The following RAB3GAP2 variants were observed in gnomAD, a reference collection of about 807,000 sequenced individuals.
RAB3GAP2 encodes rab3 GTPase-activating protein non-catalytic subunit.
In RAB3GAP2, 87 loss-of-function variants were observed where a neutral mutation model predicts 185.3. The observed-to-expected ratio is 0.47, with a 90% CI of 0.39 to 0.56. RAB3GAP2 has a LOEUF of 0.56. Ranked by LOEUF, RAB3GAP2 falls within the 20% of genes least tolerant of loss-of-function variation. RAB3GAP2 has a pLI of 0.00. For missense variants in RAB3GAP2, 1,492 were observed against 1,638.2 expected, an observed-to-expected ratio of 0.91 and a Z score of 1.54; for synonymous variants, 554 against 576.1, an observed-to-expected ratio of 0.96 and a Z score of 0.55.
chr1:220,237,884 TAA>T (rs372704690), intron 1 of RAB3GAP2, among the ~76,000 whole-genome samples: 13,934 of 133,406 alleles, frequency 0.1, 1,010 homozygotes, highest in African/African-American at 0.22. Flanking sequence ...TATTAAAAAG[TAA>T]AAAAAAAAAA....
chr1:220,163,176 C>A (rs969172712), intron 27 of RAB3GAP2, among the ~76,000 whole-genome samples: 1 of 152,010 alleles, frequency 6.6e-6, no homozygotes, highest in Non-Finnish European at 1.5e-5. Context: ...ATTTCTGAAA[C>A]AGTTGTCAAT....
chr1:220,240,397 T>C (rs988172443), intron 1 of RAB3GAP2, among the ~76,000 whole-genome samples: 1 of 152,222 alleles, frequency 6.6e-6, no homozygotes, highest in Admixed American at 6.5e-5. Flanking sequence ...ATCTTTTTTT[T>C]CCTCAATCCC....
At chr1:220,180,094 G>A (rs548198672) in intron 21 of RAB3GAP2, among the ~76,000 whole-genome samples, 6 of 152,036 alleles carry the variant, frequency 3.9e-5, no homozygotes, top group East Asian at 1.9e-4. Context: ...CCCAGGAGGC[G>A]GAAGTTGCAG....
chr1:220,228,354 T>C (rs1208132155), intron 2 of RAB3GAP2, among the ~76,000 whole-genome samples: 1 of 152,190 alleles, frequency 6.6e-6, no homozygotes, highest in East Asian at 1.9e-4. Context: ...TAATCATAGA[T>C]GGTAGTAGAA....
chr1:220,167,346 A>C lies in RAB3GAP2; in HGVS notation c.3034T>G (p.Leu1012Val), dbSNP rs775514730. ...TACTCCCAGCAGCAATGTGCATGCAAGACATCGAGCTCAAGGCTACAAGGA... is the reference window on the plus strand; with the variant it reads ...TACTCCCAGCAGCAATGTGCATGCACGACATCGAGCTCAAGGCTACAAGGA... Reference protein sequence around the residue: ...QFPCSLELDVLHAHCCWEYVV... With the variant: ...QFPCSLELDVVHAHCCWEYVV... Residue 1012 changes from leucine (L) to valine (V), a missense_variant, in exon 26 of 35, where the codon TTG (leucine) becomes GTG (valine). Leu to Val is a conservative substitution (Grantham distance 32, BLOSUM62 1). Transcript: ENST00000358951. 1 of 1,614,194 alleles carries C rather than the reference A, an allele frequency of 6.2e-7. No individual in the cohort carries two copies. The highest frequency in any genetic ancestry group is 2.2e-5 in the East Asian group (1 of 44,880).
chr1:220,216,828 C>T (rs1659209790), intron 2 of RAB3GAP2, among the ~76,000 whole-genome samples: 1 of 152,046 alleles, frequency 6.6e-6, no homozygotes, highest in South Asian at 2.1e-4. Flanking sequence ...TTCCTCTTAT[C>T]ACACTTCCAA....
chr1:220,182,146 T>C, intron 21 of RAB3GAP2, 111 bp downstream of exon 21: 1 of 1,542,708 alleles, frequency 6.5e-7, no homozygotes, highest in African/African-American at 1.4e-5. Flanking sequence ...AAAGTTTTCA[T>C]GGACATTCTG....
chr1:220,246,157 CA>C (rs1659810871), intron 1 of RAB3GAP2, among the ~76,000 whole-genome samples: 1 of 151,984 alleles, frequency 6.6e-6, no homozygotes, highest in Non-Finnish European at 1.5e-5. Flanking sequence ...TCTATGCAGC[CA>C]AAAAACACAT....
At chr1:220,163,773 A>ATATG (rs57117891) in intron 27 of RAB3GAP2, among the ~76,000 whole-genome samples, 3 of 145,014 alleles carry the variant, frequency 2.1e-5, no homozygotes, top group South Asian at 2.2e-4. Flanking sequence ...ATATATATAT[A>ATATG]GGATGAAGGT....
intron 12 of RAB3GAP2, among the ~76,000 whole-genome samples, chr1:220,194,442 G>C (rs1571893391): frequency 6.6e-6 from 1 of 152,084 alleles, no homozygotes; most frequent in South Asian, 2.1e-4. Context: ...CCCCACTCTG[G>C]AGTGCAACAG....
Position 220,170,955 on chromosome 1 carries a change from A to G in RAB3GAP2, c.2743T>C (p.Ser915Pro), listed in dbSNP as rs117204571. ...GGAAGTGGCTCAGCCTGCAGTGATG[A>G]CACTTTGGAGGTCTGAGTGTTCCCT... ...SKGNTQTSKV[S>P]SLQAEPLPRL... The change falls in exon 24 of 35, where the codon TCA (serine) becomes CCA (proline). Residue 915 changes from serine to proline, a missense_variant. By Grantham distance (74) the Ser-to-Pro change is moderately conservative. Around this residue, in one of 5 missense-constraint regions of RAB3GAP2, gnomAD observed 681 missense variants for 689.1 expected, o/e 0.99. Transcript: ENST00000358951. 1.1e-5 allele frequency: 17 copies of G among 1,614,160 alleles called. No homozygotes were observed. In the East Asian group the frequency reaches 3.8e-4, roughly 36 times the overall value.
chr1:220,246,870 T>C (rs1055716107), intron 1 of RAB3GAP2, among the ~76,000 whole-genome samples: 1 of 150,218 alleles, frequency 6.7e-6, no homozygotes, highest in East Asian at 2.0e-4. Flanking sequence ...TGTATACATA[T>C]GTAACTAACC....
chr1:220,253,766 T>C, intron 1 of RAB3GAP2: 2 of 1,611,730 alleles, frequency 1.2e-6, no homozygotes, highest in Non-Finnish European at 1.7e-6. Context: ...CTCAAATACG[T>C]GGACACCAAT....
rs954892723 is a variant in RAB3GAP2 at position 220,254,039 on chromosome 1, A to G, written c.115+18184T>C. The stretch of plus-strand genomic sequence containing the variant: ...ACATTCATGAACAGAGTTGAAGTTA[A>G]AGTAAAGATTCCTGAATAGCTAAAA... On this transcript the variant is annotated intron_variant, in intron 1 of 34. Transcript: ENST00000358951. 4 of 1,613,842 alleles carry G rather than the reference A, an allele frequency of 2.5e-6. No individual in the cohort carries two copies. In the African/African-American group the frequency reaches 5.3e-5, roughly 22 times the overall value.
At position 220,153,319 on chromosome 1, in the gene RAB3GAP2, G is replaced by C. The variant is rs948186300; in HGVS notation, c.3733C>G (p.Pro1245Ala). Residue 1245 changes from proline (P) to alanine (A), a missense_variant, in exon 33 of 35, where the codon CCT becomes GCT. Physicochemically the swap from Pro to Ala is conservative, Grantham distance 27. Coordinates refer to ENST00000358951, the MANE Select transcript of RAB3GAP2 (RefSeq NM_012414.4). The part of the protein sequence containing the change: ...KDPTEEATPT[P>A]FGKDQDWPAL... The stretch of plus-strand genomic sequence containing the variant: ...GGCCAATCTTGGTCTTTCCCAAAAG[G>C]AGTGGGTGTGGCCTCTTCTGTGGGA... 9.9e-6 allele frequency: 16 copies of C among 1,614,222 alleles called. No homozygotes were observed. The highest frequency in any genetic ancestry group is 1.4e-5 in the Non-Finnish European group (16 of 1,180,040).
intron 2 of RAB3GAP2, among the ~76,000 whole-genome samples, chr1:220,214,973 T>TATATATATAC (rs1433309635): frequency 1.4e-5 from 2 of 145,624 alleles, no homozygotes; most frequent in Admixed American, 1.4e-4. Flanking sequence ...TATATATATA[T>TATATATATAC]ATACTTCTAT....
At chr1:220,185,543 T>C (rs560067614) in intron 18 of RAB3GAP2, 108 bp downstream of exon 18, 1 of 761,382 alleles carries the variant, frequency 1.3e-6, no homozygotes, top group African/African-American at 1.8e-5. Context: ...CTATATTACT[T>C]CCACATTAAA....
intron 28 of RAB3GAP2, among the ~76,000 whole-genome samples, chr1:220,160,306 T>C (rs1657942109): frequency 2.6e-5 from 4 of 152,134 alleles, no homozygotes; most frequent in Admixed American, 1.3e-4. Flanking sequence ...CAGGAGACAT[T>C]GGAGAAAAAT....
chr1:220,190,334 G>A (rs2102869301), intron 15 of RAB3GAP2, 43 bp downstream of exon 15: 1 of 1,613,208 alleles, frequency 6.2e-7, no homozygotes, highest in South Asian at 1.1e-5. Flanking sequence ...ACTAGGAAAA[G>A]TTAGCAGAGG....
Sources: allele counts gnomAD v4.1 joint callset (sites outside exome capture counted in the v4.1 genomes callset), GRCh38; gene constraint gnomAD v4.1.1; regional missense constraint gnomAD v4.1.1; transcripts MANE v1.5; gene names NCBI Gene and HGNC (gene_info 2026-07-23, HGNC 2026-07-21).